Variants in RAB30 observed in about 807,000 individuals in gnomAD.
RAB30 encodes the protein RAB30, member RAS oncogene family.
Under a neutral mutation model 25.1 loss-of-function variants are expected in RAB30, and 9 were observed. The ratio of observed to expected loss-of-function variants is 0.36; its 90% CI spans 0.22 to 0.63. RAB30 has a LOEUF of 0.63. Among genes scored for constraint, RAB30 ranks in the 20% least tolerant of loss-of-function variants. The probability of loss-of-function intolerance (pLI) is 0.69; values close to 1 mark genes in which losing one functional copy is unlikely to be tolerated. For missense variants in RAB30, 140 were observed against 243.5 expected, an observed-to-expected ratio of 0.58 and a Z score of 2.83; for synonymous variants, 77 against 86.4, an observed-to-expected ratio of 0.89 and a Z score of 0.60.
chr11:82,999,586 C>T (rs1450569971), intron 1 of RAB30, among the ~76,000 whole-genome samples: 6 of 152,228 alleles, frequency 3.9e-5, no homozygotes, highest in Non-Finnish European at 7.3e-5. Flanking sequence ...ACTGCCAGCT[C>T]TGTCTCCTAC....
chr11:83,027,251 C>T (rs1382121672), intron 1 of RAB30, among the ~76,000 whole-genome samples: 1 of 152,136 alleles, frequency 6.6e-6, no homozygotes, highest in Non-Finnish European at 1.5e-5. Flanking sequence ...GCCCTCCCTA[C>T]TTTTGTAAAT....
At chr11:83,012,209 A>C (rs1448382428) in intron 1 of RAB30, among the ~76,000 whole-genome samples, 2 of 152,200 alleles carry the variant, frequency 1.3e-5, no homozygotes, top group Non-Finnish European at 2.9e-5. Context: ...AGCATAGCAA[A>C]CCTCACTCAG....
At chr11:83,063,034 C>T (rs1326862510) in intron 1 of RAB30, among the ~76,000 whole-genome samples, 1 of 151,272 alleles carries the variant, frequency 6.6e-6, no homozygotes. Flanking sequence ...AAGTTGTCCA[C>T]GTAGCAAACA....
At chr11:83,010,230 C>G (rs1445924872) in intron 1 of RAB30, among the ~76,000 whole-genome samples, 1 of 152,158 alleles carries the variant, frequency 6.6e-6, no homozygotes, top group Non-Finnish European at 1.5e-5. Context: ...AAGGAAGGAT[C>G]GCTTGAGGCC....
intron 1 of RAB30, among the ~76,000 whole-genome samples, chr11:83,057,134 TC>T (rs892045217): frequency 6.6e-6 from 1 of 151,848 alleles, no homozygotes; most frequent in African/African-American, 2.4e-5. Context: ...ACACTAAGGA[TC>T]TTCTTACTCA....
At chr11:83,046,278 T>C (rs989157081) in intron 1 of RAB30, among the ~76,000 whole-genome samples, 3 of 152,166 alleles carry the variant, frequency 2.0e-5, no homozygotes, top group African/African-American at 7.2e-5. Flanking sequence ...GCTATACATA[T>C]GCAAGGTGAG....
In RAB30 at chr11:82,997,312, C is replaced by T. The variant is rs1856980200; in HGVS notation, c.5G>A (p.Ser2Asn). Reference protein sequence around the residue: MSMEDYDFLFKI... With the variant: MNMEDYDFLFKI... ...GAACAGGAAATCATAATCTTCCATA[C>T]TCATTTACACAGCTGCAAGGCAAAC... The change falls in exon 2 of 5, where the codon AGT (serine) becomes AAT (asparagine). Residue 2 changes from serine (S) to asparagine (N), a missense_variant. Transcript: ENST00000527633. 2 of 1,606,232 alleles carry T rather than the reference C, an allele frequency of 1.2e-6. No homozygotes were observed. Among genetic ancestry groups the T allele is most frequent in the South Asian group, 1.1e-5 (1 of 90,904 alleles).
chr11:82,981,323 G>C lies in RAB30; in HGVS notation c.*842C>G, dbSNP rs1055606878. 5 of 152,046 alleles carry C rather than the reference G, an allele frequency of 3.3e-5. No homozygotes were observed. Among genetic ancestry groups the C allele is most frequent in the African/African-American group, 1.2e-4 (5 of 41,366 alleles). 9.4% of individuals were successfully genotyped at this position (152,046 alleles called of 1,614,324 possible). A position where few individuals can be genotyped will look rare whatever the true frequency, so the allele number is the denominator to read the frequency against. On this transcript the variant is annotated 3_prime_UTR_variant, in exon 5 of 5. Coordinates refer to ENST00000527633, the MANE Select transcript of RAB30 (RefSeq NM_001286060.2). ...TGCAAACGTTTTCATTTACATAAAG[G>C]GCTGGAGAGACAAGAAAGTGGTAGA...
chr11:83,024,050 T>A (rs1396839709), intron 1 of RAB30, among the ~76,000 whole-genome samples: 3 of 152,194 alleles, frequency 2.0e-5, no homozygotes, highest in Non-Finnish European at 1.5e-5. Flanking sequence ...CCGGGGCCTC[T>A]TGGGGAAGGA....
chr11:83,014,672 AAGAAAGAAAGAAAG>A (rs1443655664), intron 1 of RAB30, among the ~76,000 whole-genome samples: 4 of 149,844 alleles, frequency 2.7e-5, no homozygotes, highest in African/African-American at 7.5e-5. Flanking sequence ...GAAAGAAAGA[AAGAAAGAAAGAAAG>A]AAAGAAAGAG....
intron 1 of RAB30, among the ~76,000 whole-genome samples, chr11:83,020,071 G>A (rs1433431911): frequency 6.6e-6 from 1 of 152,368 alleles, no homozygotes; most frequent in South Asian, 2.1e-4. Context: ...TCTGAACTGG[G>A]GAGGGAGCTA....
intron 3 of RAB30, among the ~76,000 whole-genome samples, chr11:82,990,051 A>G (rs541881193): frequency 4.6e-5 from 7 of 152,352 alleles, no homozygotes; most frequent in African/African-American, 1.2e-4. Flanking sequence ...GTTCTATTAA[A>G]AAGGAAGAGA....
intron 1 of RAB30, among the ~76,000 whole-genome samples, chr11:83,053,275 G>T (rs1590877061): frequency 3.3e-5 from 5 of 152,126 alleles, no homozygotes; most frequent in African/African-American, 1.2e-4. Flanking sequence ...TACTTATAAA[G>T]CCAGGATAAG....
At chr11:82,999,901 T>G (rs2121468852) in intron 1 of RAB30, among the ~76,000 whole-genome samples, 1 of 152,112 alleles carries the variant, frequency 6.6e-6, no homozygotes, top group East Asian at 1.9e-4. Flanking sequence ...TATTCACATA[T>G]CTCACACTCT....
chr11:83,006,986 C>T (rs1051696326), intron 1 of RAB30, among the ~76,000 whole-genome samples: 1 of 152,220 alleles, frequency 6.6e-6, no homozygotes, highest in Non-Finnish European at 1.5e-5. Flanking sequence ...AACTCTCACA[C>T]ATTCTTACAG....
chr11:83,061,367 A>G (rs1858572712), intron 1 of RAB30, among the ~76,000 whole-genome samples: 1 of 152,222 alleles, frequency 6.6e-6, no homozygotes, highest in South Asian at 2.1e-4. Flanking sequence ...GTATTGGGTA[A>G]GTAGTCTTGA....
chr11:82,976,275 T>A lies in RAB30; in HGVS notation c.*5890A>T, dbSNP rs929755288. The A allele has an allele frequency of 6.6e-5, 10 of 152,238 alleles. No individual in the cohort carries two copies. The highest frequency in any genetic ancestry group is 9.6e-5 in the African/African-American group (4 of 41,472). The allele number at this position is 152,238 out of a possible 1,614,324, so 9.4% of individuals were successfully genotyped here. ...GCTCTTAATTAAAGTGAAAAAGAACTAATATTTGAGTGCTAACTGTTTACC... is the reference window on the plus strand; with the variant it reads ...GCTCTTAATTAAAGTGAAAAAGAACAAATATTTGAGTGCTAACTGTTTACC... On this transcript the variant is annotated 3_prime_UTR_variant, in exon 5 of 5. Transcript: ENST00000527633.
At chr11:83,047,864 A>G (rs1858266590) in intron 1 of RAB30, among the ~76,000 whole-genome samples, 1 of 152,084 alleles carries the variant, frequency 6.6e-6, no homozygotes, top group South Asian at 2.1e-4. Context: ...TTACAAGTAC[A>G]ATACACTCCA....
intron 1 of RAB30, among the ~76,000 whole-genome samples, chr11:83,053,689 T>G (rs1858401508): frequency 6.6e-6 from 1 of 152,198 alleles, no homozygotes; most frequent in Admixed American, 6.5e-5. Flanking sequence ...TGGAAGAGAT[T>G]CTAAACCTTA....
Sources: allele counts gnomAD v4.1 joint callset (sites outside exome capture counted in the v4.1 genomes callset), GRCh38; gene constraint gnomAD v4.1.1; transcripts MANE v1.5; gene names NCBI Gene and HGNC (gene_info 2026-07-23, HGNC 2026-07-21).